Variants in CARD8 observed in about 807,000 individuals in gnomAD.
CARD8 encodes the protein caspase recruitment domain-containing protein 8.
In CARD8, 38 loss-of-function variants were observed where a neutral mutation model predicts 53.2. The observed-to-expected ratio is 0.71, with a 90% CI of 0.55 to 0.94. CARD8 has a LOEUF of 0.94. CARD8 is among the 40% of genes least tolerant of loss of function. CARD8 has a pLI of 0.00. For synonymous variants in CARD8, 245 were observed against 244.9 expected (o/e 1.00, Z 0.00); for missense variants, 561 against 655.5 (o/e 0.86, Z 1.57).
intron 13 of CARD8, among the ~76,000 whole-genome samples, chr19:48,214,304 T>G (rs942416221): frequency 2.0e-5 from 3 of 152,156 alleles, no homozygotes; most frequent in African/African-American, 7.2e-5. Flanking sequence ...GGTCAGGCAG[T>G]TGTTACACCG....
chr19:48,244,305 C>T (rs67802142), intron 3 of CARD8, among the ~76,000 whole-genome samples: 14,112 of 151,926 alleles, frequency 0.093, 1,555 homozygotes, highest in African/African-American at 0.27. Flanking sequence ...ATAAGGTGAA[C>T]GGAAAAGTCC....
chr19:48,226,497 T>C (rs1459257490), intron 10 of CARD8, among the ~76,000 whole-genome samples: 4 of 152,184 alleles, frequency 2.6e-5, no homozygotes, highest in Non-Finnish European at 4.4e-5. Flanking sequence ...AGTGCTGAGA[T>C]TATAGGCATG....
intron 6 of CARD8, chr19:48,233,236 C>A (rs981884709): frequency 2.3e-6 from 1 of 434,046 alleles, no homozygotes; most frequent in Non-Finnish European, 4.6e-6. Flanking sequence ...GTTCGTCATG[C>A]CTCTGGAGAG....
At chr19:48,207,087 G>A (rs1213306324), downstream of CARD8, among the ~76,000 whole-genome samples, 1 of 146,758 alleles carries the variant, frequency 6.8e-6, no homozygotes, top group Non-Finnish European at 1.5e-5. Context: ...AGAATCACTT[G>A]AACCCGGGAG....
chr19:48,239,270 TG>T (rs2044507033), intron 4 of CARD8, among the ~76,000 whole-genome samples: 1 of 152,230 alleles, frequency 6.6e-6, no homozygotes, highest in Non-Finnish European at 1.5e-5. Context: ...TCAAAGTTGT[TG>T]CTTAACCTCT....
chr19:48,206,149 C>T (rs1342333663), downstream of CARD8, among the ~76,000 whole-genome samples: 3 of 152,120 alleles, frequency 2.0e-5, no homozygotes, highest in Non-Finnish European at 4.4e-5. Context: ...CCACCCGCCT[C>T]AGCCTCCCAG....
intron 13 of CARD8, among the ~76,000 whole-genome samples, chr19:48,214,481 C>T (rs970148518): frequency 6.6e-6 from 1 of 152,156 alleles, no homozygotes; most frequent in Admixed American, 6.6e-5. Context: ...TGGCCTATAA[C>T]CTCTTACGGA....
chr19:48,209,984 C>G lies in CARD8; in HGVS notation c.*1726G>C, dbSNP rs1221417054. On this transcript the variant is annotated 3_prime_UTR_variant, in exon 14 of 14. Transcript: ENST00000651546. ...TATTTTTAGAAATTAGGCTGAAAAC[C>G]TCTAAGTTTGGTAAAAGACATAAAA... 1 of 152,062 alleles carries G rather than the reference C, an allele frequency of 6.6e-6. No individual in the cohort carries two copies. Among genetic ancestry groups the G allele is most frequent in the Non-Finnish European group, 1.5e-5 (1 of 68,026 alleles). 9.4% of individuals were successfully genotyped at this position (152,062 alleles called of 1,614,324 possible). A position where few individuals can be genotyped will look rare whatever the true frequency, so the allele number is the denominator to read the frequency against.
chr19:48,206,199 G>A (rs1228431254), downstream of CARD8, among the ~76,000 whole-genome samples: 1 of 152,146 alleles, frequency 6.6e-6, no homozygotes, highest in East Asian at 1.9e-4. Flanking sequence ...CCCCCAGCCA[G>A]TTGTTCTAGG....
intron 13 of CARD8, 91 bp from the exon 14 acceptor site, chr19:48,212,066 G>A (rs760744039): frequency 1.1e-5 from 13 of 1,220,720 alleles, no homozygotes; most frequent in Non-Finnish European, 1.5e-5. Context: ...TTCAGGGGTG[G>A]GAGATTGCTC....
chr19:48,247,293 C>T (rs528726192), intron 3 of CARD8, among the ~76,000 whole-genome samples: 6 of 152,136 alleles, frequency 3.9e-5, no homozygotes, highest in Non-Finnish European at 8.8e-5. Context: ...CACTGCACTC[C>T]AGCCTGGGTG....
chr19:48,219,023 C>T lies in CARD8; in HGVS notation c.1162-11G>A. On this transcript the variant is annotated splice_polypyrimidine_tract_variant and intron_variant, in intron 11 of 13. Coordinates refer to ENST00000651546, the MANE Select transcript of CARD8 (RefSeq NM_001184900.3). ...GGACAATTTCAACTCCTAGAGGAAACACATCAGTTGACTTGAAGCAGTGGA... is the reference window on the plus strand; with the variant it reads ...GGACAATTTCAACTCCTAGAGGAAATACATCAGTTGACTTGAAGCAGTGGA... The T allele has an allele frequency of 6.2e-7, 1 of 1,613,840 alleles. No individual in the cohort carries two copies. The highest frequency in any genetic ancestry group is 1.7e-5 in the Admixed American group (1 of 60,014).
intron 10 of CARD8, among the ~76,000 whole-genome samples, chr19:48,225,018 C>G (rs142509095): frequency 0.041 from 6,174 of 151,582 alleles, 398 homozygotes; most frequent in African/African-American, 0.13. Flanking sequence ...CTCCCAAAGT[C>G]CTGGGATTAC....
intron 5 of CARD8, among the ~76,000 whole-genome samples, chr19:48,236,352 A>G (rs910778893): frequency 3.3e-5 from 5 of 151,984 alleles, no homozygotes; most frequent in Non-Finnish European, 5.9e-5. Context: ...AGCTGGGATT[A>G]CAGGCATGCA....
intron 1 of CARD8, 100 bp downstream of exon 1, chr19:48,255,691 TC>T (rs1967155834): frequency 6.6e-6 from 1 of 152,038 alleles, no homozygotes; most frequent in Non-Finnish European, 1.5e-5. Context: ...TCGTACTCCT[TC>T]CTTGCTGACT....
chr19:48,235,018 TG>T (rs1391471475), intron 5 of CARD8, among the ~76,000 whole-genome samples: 1 of 152,190 alleles, frequency 6.6e-6, no homozygotes, highest in Non-Finnish European at 1.5e-5. Flanking sequence ...TAAGAACCCA[TG>T]GAACAGTTAT....
At chr19:48,203,941 C>G (rs1232252512), downstream of CARD8, 2 of 287,242 alleles carry the variant, frequency 7.0e-6, no homozygotes, top group African/African-American at 4.6e-5. Context: ...GCTTTCGCGT[C>G]CAAGTCCCTT....
At chr19:48,238,253 A>T in intron 5 of CARD8, 130 bp downstream of exon 5, 1 of 1,388,574 alleles carries the variant, frequency 7.2e-7, no homozygotes, top group Non-Finnish European at 9.4e-7. Context: ...GATAACAAAG[A>T]AGAAAAGTAA....
rs1446552879 is a variant in CARD8, at chr19:48,231,065, C to T, written c.543-59G>A. 115 of 1,389,866 alleles carry T rather than the reference C, an allele frequency of 8.3e-5. 3 individuals carry two copies. In the South Asian group the frequency reaches 1.3e-3, roughly 15 times the overall value. The allele number at this position is 1,389,866 out of a possible 1,614,324, so 86.1% of individuals were successfully genotyped here. A position where few individuals can be genotyped will look rare whatever the true frequency, so the allele number is the denominator to read the frequency against. On this transcript the variant is annotated intron_variant, in intron 8 of 13. Coordinates refer to ENST00000651546, the MANE Select transcript of CARD8 (RefSeq NM_001184900.3). ...AACCCCAGGACTTGGATTTAAGCAG[C>T]GATGTGCAGAGGGAGGTGGGATTTG...
Sources: gnomAD v4.1 joint callset for allele counts (sites outside exome capture counted in the v4.1 genomes callset) on GRCh38, gnomAD v4.1.1 for gene constraint, MANE v1.5 for transcripts, NCBI Gene and HGNC (gene_info 2026-07-23, HGNC 2026-07-21) for gene names.